Variants in LETM1 observed in about 807,000 individuals in gnomAD.
LETM1 encodes leucine zipper and EF-hand containing transmembrane protein 1, also known as mitochondrial proton/calcium exchanger protein.
LETM1 carries 50 observed loss-of-function variants against 74.5 expected under a neutral mutation model. The ratio of observed to expected loss-of-function variants is 0.67; its 90% confidence interval spans 0.53 to 0.85. The LOEUF (loss-of-function observed/expected upper bound fraction) is 0.85. LETM1 is among the 40% of genes least tolerant of loss of function. The pLI is 0.00. For missense variants in LETM1, 824 were observed against 967.8 expected (o/e 0.85, Z 1.97); for synonymous variants, 446 against 407.1 (o/e 1.10, Z -1.15).
rs1439554622 is a variant in LETM1, at chr4:1,822,990, C to A, written c.1474G>T (p.Ala492Ser). The change falls in exon 9 of 14, where the codon GCG becomes TCG. Residue 492 changes from alanine (A) to serine (S), a missense_variant and splice_region_variant. By Grantham distance (99) the Ala-to-Ser change is moderately conservative. This residue lies in a region of LETM1 where 172 missense variants were observed against 170.7 expected (regional missense o/e 1.01). Transcript: ENST00000302787. ...CACGGAGCAGGACCACCGCTTACCG[C>A]CACCTCCGAGCGCTTCTGCAGCTCC... is the stretch of plus-strand genomic sequence containing the variant. ...EKELQKRSEV[A>S]KDFEPERVVA... 1 of 1,569,690 alleles carries A rather than the reference C, an allele frequency of 6.4e-7. No homozygotes were observed. The highest frequency in any genetic ancestry group is 1.8e-5 in the Admixed American group (1 of 56,648).
chr4:1,824,699 C>CT (rs1440799749), intron 7 of LETM1, among the ~76,000 whole-genome samples: 1 of 152,220 alleles, frequency 6.6e-6, no homozygotes, highest in Non-Finnish European at 1.5e-5. Flanking sequence ...GCCGAGGGGC[C>CT]TGGGCAGGGA....
chr4:1,838,798 C>T lies in LETM1; in HGVS notation c.595-2226G>A, dbSNP rs79835991. 1.9e-3 allele frequency among the ~76,000 whole-genome samples: 293 copies of T among 152,264 alleles called. 1 individual carries two copies. Among genetic ancestry groups the T allele is most frequent in the African/African-American group, 6.6e-3 (276 of 41,552 alleles). On this transcript the variant is annotated intron_variant, in intron 3 of 13. Coordinates refer to ENST00000302787, the MANE Select transcript of LETM1 (RefSeq NM_012318.3). ...GGAGCAGACAGGAGATGAGGCTGCA[C>T]CTGGGAGAGAGTGGACTCGATTCCC...
intron 2 of LETM1, among the ~76,000 whole-genome samples, chr4:1,842,385 C>T (rs985335599): frequency 1.3e-5 from 2 of 152,228 alleles, no homozygotes; most frequent in African/African-American, 4.8e-5. Flanking sequence ...CTCTACCCAC[C>T]TGCCCACTCT....
In LETM1 at chr4:1,832,741, C is replaced by T. The variant is rs375655146; in HGVS notation, c.1080+3G>A. On this transcript the variant is annotated splice_donor_region_variant and intron_variant, in intron 6 of 13. Transcript: ENST00000302787. ...CTGTGGCGCGGAGTATGGCCAGGCT[C>T]ACCTTGTCGTCTGCCTTTATGGAGC... 8.1e-6 allele frequency: 13 copies of T among 1,613,996 alleles called. No homozygotes were observed. The South Asian group carries it at 1.2e-4, about 15-fold the overall frequency.
chr4:1,826,521 G>A (rs964531610), intron 6 of LETM1, among the ~76,000 whole-genome samples: 3 of 152,210 alleles, frequency 2.0e-5, no homozygotes, highest in East Asian at 1.9e-4. Flanking sequence ...GGTGCTGCCC[G>A]TTCACAGACG....
rs755815068 is a variant in LETM1, at chr4:1,823,654, G to A, written c.1322C>T (p.Pro441Leu). The A allele has an allele frequency of 4.3e-6, 7 of 1,613,888 alleles. No homozygotes were observed. Among genetic ancestry groups the A allele is most frequent in the Non-Finnish European group, 5.1e-6 (6 of 1,179,976 alleles). The change falls in exon 8 of 14, where the codon CCA (proline) becomes CTA (leucine). Residue 441 changes from proline to leucine, a missense_variant. Transcript: ENST00000302787. The part of the protein sequence containing the change: ...DQLKSTLQTL[P>L]EIVAKEAQVK... ...TCCGACAGCACGTACCACAATCTCT[G>A]GGAGGGTCTGCAGTGTGGACTTGAG...
rs760104799 is a variant in LETM1, at chr4:1,815,654, C to T, written c.2070+10G>A. On this transcript the variant is annotated intron_variant, in intron 13 of 13. Transcript: ENST00000302787. ...GGCGGATGGCCTGCGTGGTCCCCAG[C>T]GAGGCCCACCTTGACGAGGTCGTCG... 6.2e-6 allele frequency: 10 copies of T among 1,613,710 alleles called. No individual in the cohort carries two copies. The highest frequency in any genetic ancestry group is 2.2e-5 in the East Asian group (1 of 44,886).
At chr4:1,848,472 C>T (rs1018533468) in intron 2 of LETM1, among the ~76,000 whole-genome samples, 4 of 150,354 alleles carry the variant, frequency 2.7e-5, no homozygotes, top group East Asian at 3.9e-4. Flanking sequence ...GGCATGAACC[C>T]GGGAGGTGGA....
intron 13 of LETM1, 74 bp from the exon 14 acceptor site, chr4:1,814,647 C>T (rs1485145588): frequency 1.5e-6 from 2 of 1,324,038 alleles, no homozygotes; most frequent in African/African-American, 2.9e-5. Context: ...GGGGCCAGCG[C>T]CGTCAGTCGC....
At chr4:1,853,286 C>T (rs543137846) in intron 1 of LETM1, among the ~76,000 whole-genome samples, 1 of 152,330 alleles carries the variant, frequency 6.6e-6, no homozygotes, top group East Asian at 1.9e-4. Context: ...TGCTTCTGCT[C>T]GTAAAGCGAC....
At chr4:1,849,248 C>T (rs569124874) in intron 1 of LETM1, 39 bp from the exon 2 acceptor site, 1 of 1,455,714 alleles carries the variant, frequency 6.9e-7, no homozygotes. Flanking sequence ...AGTAGTAAAT[C>T]AGGGATTTAT....
chr4:1,821,452 G>C (rs1309056906), intron 10 of LETM1, among the ~76,000 whole-genome samples: 3 of 151,642 alleles, frequency 2.0e-5, no homozygotes, highest in Admixed American at 2.0e-4. Context: ...ACTTTGGGAG[G>C]CTGAGGCGGG....
In LETM1 at chr4:1,814,538, G is replaced by A. The variant is rs543808059; in HGVS notation, c.2106C>T (p.Ile702=). 7.4e-6 allele frequency: 12 copies of A among 1,613,876 alleles called. No homozygotes were observed. Among genetic ancestry groups the A allele is most frequent in the Middle Eastern group, 1.7e-4 (1 of 6,058 alleles). ...IELVDKEDVH[I]STSQVAEIVA... Reference sequence around the variant, plus strand: ...CAATCTCAGCCACCTGGCTGGTGGAGATGTGAACATCTTCTTTGTCCACCA... The same window carrying A: ...CAATCTCAGCCACCTGGCTGGTGGAAATGTGAACATCTTCTTTGTCCACCA... The change falls in exon 14 of 14, where the codon ATC becomes ATT. Residue 702 remains isoleucine (I), a synonymous_variant. Transcript: ENST00000302787.
At chr4:1,855,497 G>A (rs1398299644) in intron 1 of LETM1, among the ~76,000 whole-genome samples, 1 of 152,222 alleles carries the variant, frequency 6.6e-6, no homozygotes, top group Non-Finnish European at 1.5e-5. Flanking sequence ...ACCCAGTCTC[G>A]TCTCCGGGAC....
chr4:1,849,287 T>G, intron 1 of LETM1, 78 bp from the exon 2 acceptor site: 1 of 1,086,460 alleles, frequency 9.2e-7, no homozygotes, highest in Non-Finnish European at 1.4e-6. Flanking sequence ...TGTTGGTTTT[T>G]GGAGTTTCGC....
chr4:1,818,775 T>A (rs751666047), intron 11 of LETM1, among the ~76,000 whole-genome samples: 8 of 151,850 alleles, frequency 5.3e-5, no homozygotes, highest in Admixed American at 1.3e-4. Flanking sequence ...TGAGACACCT[T>A]CCCATGTTTA....
Position 1,849,228 on chromosome 4 carries a change from A to G in LETM1, c.83-19T>C. 6.4e-7 allele frequency: 1 copy of G among 1,568,914 alleles called. No individual in the cohort carries two copies. The highest frequency in any genetic ancestry group is 1.1e-5 in the South Asian group (1 of 90,222). ...GGACTACCTGTAACAGGAACAGGGG[A>G]AAATAAATGAGTAGTAAATCAGGGA... On this transcript the variant is annotated intron_variant, in intron 1 of 13. Transcript: ENST00000302787.
Position 1,835,995 on chromosome 4 carries a change from A to G in LETM1, c.738+434T>C, listed in dbSNP as rs149744660. Among the ~76,000 whole-genome samples, 1,153 of 152,238 alleles carry G rather than the reference A, an allele frequency of 7.6e-3. 15 individuals carry two copies. The highest frequency in any genetic ancestry group is 0.026 in the African/African-American group (1,080 of 41,542). The stretch of plus-strand genomic sequence containing the variant: ...GGAGCTAAGACAAGAGGATCACTTA[A>G]GTCCAGGAACTTGAGGCTGCAGTGA... On this transcript the variant is annotated intron_variant, in intron 4 of 13. Coordinates refer to ENST00000302787, the MANE Select transcript of LETM1 (RefSeq NM_012318.3).
At position 1,811,512 on chromosome 4, in the gene LETM1, A is replaced by G. The variant is rs1394267299; in HGVS notation, c.*2912T>C. On this transcript the variant is annotated 3_prime_UTR_variant, in exon 14 of 14. Coordinates refer to ENST00000302787, the MANE Select transcript of LETM1 (RefSeq NM_012318.3). ...ACACAGATTTGATGTTTTAATAAAA[A>G]TACGATTTCTACAAAAGGTGCTTAA... 1.3e-5 allele frequency: 2 copies of G among 152,430 alleles called. No individual in the cohort carries two copies. The highest frequency in any genetic ancestry group is 1.3e-4 in the Admixed American group (2 of 15,292). 9.4% of individuals were successfully genotyped at this position (152,430 alleles called of 1,614,324 possible).
Sources: allele counts gnomAD v4.1 joint callset (sites outside exome capture counted in the v4.1 genomes callset), GRCh38; gene constraint gnomAD v4.1.1; regional missense constraint gnomAD v4.1.1; transcripts MANE v1.5; gene names NCBI Gene and HGNC (gene_info 2026-07-23, HGNC 2026-07-21).